DGKK: variants seen among roughly 807,000 people sequenced by gnomAD.
The protein encoded by DGKK is 142 kDa diacylglycerol kinase.
A neutral mutation model predicts 92.2 loss-of-function variants in DGKK; 35 were observed. The observed-to-expected ratio is 0.38, with a 90% CI of 0.29 to 0.50. DGKK has a LOEUF of 0.50. Among genes scored for constraint, DGKK ranks in the 20% least tolerant of loss-of-function variants. The pLI is 0.92. For missense variants in DGKK, 910 were observed against 992.2 expected, an observed-to-expected ratio of 0.92 and a Z score of 1.11; for synonymous variants, 368 against 360.6, an observed-to-expected ratio of 1.02 and a Z score of -0.23.
chrX:50,368,821 G>C lies in DGKK; in HGVS notation c.*119C>G. 1 of 549,628 alleles carries C rather than the reference G, an allele frequency of 1.8e-6. No individual in the cohort carries two copies. 45.3% of individuals were successfully genotyped at this position (549,628 alleles called of 1,213,427 possible). On this transcript the variant is annotated 3_prime_UTR_variant, in exon 28 of 28. Transcript: ENST00000611977. ...AAATGCATTAGTGAAAAGAATTGGAGGGTCTTTCTTGGTGGTGCTCATGTT... is the reference window on the plus strand; with the variant it reads ...AAATGCATTAGTGAAAAGAATTGGACGGTCTTTCTTGGTGGTGCTCATGTT...
chrX:50,395,271 C>T (rs1348019987), intron 8 of DGKK, among the ~76,000 whole-genome samples: 1 of 111,828 alleles, frequency 8.9e-6, no homozygotes, highest in Non-Finnish European at 1.9e-5. Context: ...CTTACCTCTC[C>T]CTTGTTTTAG....
Position 50,392,395 on chromosome X carries a change from A to G in DGKK, c.1650T>C (p.Asp550=). The change falls in exon 10 of 28, where the codon GAT becomes GAC. Residue 550 remains aspartate (D), a synonymous_variant. Coordinates refer to ENST00000611977, the MANE Select transcript of DGKK (RefSeq NM_001013742.4). ...ARFRILVCGG[D]GSVSWVLSLI... The stretch of plus-strand genomic sequence containing the variant: ...GAGATAAGACCCAGCTCACGCTGCC[A>G]TCTCCACCACAAACCAGAATGCGAA... The G allele has an allele frequency of 8.3e-7, 1 of 1,211,891 alleles. No homozygotes were observed. The highest frequency in any genetic ancestry group is 3.0e-5 in the East Asian group (1 of 33,853).
At chrX:50,409,167 C>T (rs1557227628) in intron 4 of DGKK, among the ~76,000 whole-genome samples, 2 of 111,070 alleles carry the variant, frequency 1.8e-5, no homozygotes, top group African/African-American at 6.6e-5. Flanking sequence ...AACATAGGTA[C>T]ATACAGAGAG....
At chrX:50,429,199 T>C (rs1368632704) in intron 1 of DGKK, among the ~76,000 whole-genome samples, 2 of 111,482 alleles carry the variant, frequency 1.8e-5, no homozygotes, top group Non-Finnish European at 3.8e-5. Flanking sequence ...ACAGTAAATC[T>C]GAGGCTTGGT....
At chrX:50,418,214 T>A (rs1925485204) in intron 4 of DGKK, among the ~76,000 whole-genome samples, 1 of 112,098 alleles carries the variant, frequency 8.9e-6, no homozygotes, top group Admixed American at 9.5e-5. Flanking sequence ...CATCTGGCAA[T>A]CAATCATGCA....
At chrX:50,408,629 C>T (rs782429916) in intron 4 of DGKK, among the ~76,000 whole-genome samples, 14 of 110,699 alleles carry the variant, frequency 1.3e-4, no homozygotes, top group African/African-American at 4.0e-4. Flanking sequence ...GTGATCCGCC[C>T]GCCTCGGCCT....
intron 7 of DGKK, among the ~76,000 whole-genome samples, chrX:50,402,409 C>A (rs1400995198): frequency 2.7e-5 from 3 of 111,366 alleles, no homozygotes; most frequent in African/African-American, 6.5e-5. Flanking sequence ...CATAGTGAGA[C>A]CCTGTCTCAA....
intron 27 of DGKK, 42 bp downstream of exon 27, chrX:50,370,384 G>A: frequency 8.6e-7 from 1 of 1,165,002 alleles, no homozygotes; most frequent in Non-Finnish European, 1.1e-6. Flanking sequence ...CAGGCTGTTG[G>A]GGGAAGTCTT....
Position 50,370,295 on chromosome X carries a change from C to G in DGKK, c.3736+131G>C, listed in dbSNP as rs1924086044. The stretch of plus-strand genomic sequence containing the variant: ...ATGGCTTGGTATCACTTACTGCTGA[C>G]TCCCAGATGGCCTCCCGCTTCATCA... On this transcript the variant is annotated intron_variant, in intron 27 of 27. Transcript: ENST00000611977. 3.6e-6 allele frequency: 3 copies of G among 832,583 alleles called. No individual in the cohort carries two copies. In the South Asian group the frequency reaches 8.7e-5, roughly 24 times the overall value. 68.6% of individuals were successfully genotyped at this position (832,583 alleles called of 1,213,427 possible). A position where few individuals can be genotyped will look rare whatever the true frequency, so the allele number is the denominator to read the frequency against.
At chrX:50,459,613 C>CA (rs1404465668) in intron 1 of DGKK, among the ~76,000 whole-genome samples, 2 of 109,885 alleles carry the variant, frequency 1.8e-5, no homozygotes, top group African/African-American at 6.6e-5. Flanking sequence ...AAAAAACAAA[C>CA]AAAAAAAATG....
chrX:50,436,984 T>A (rs1926044646), intron 1 of DGKK, among the ~76,000 whole-genome samples: 1 of 111,923 alleles, frequency 8.9e-6, no homozygotes, highest in African/African-American at 3.2e-5. Flanking sequence ...CATAATCAAG[T>A]GTGCCAGTGG....
chrX:50,385,537 A>G (rs1156490383), intron 15 of DGKK, among the ~76,000 whole-genome samples: 1 of 111,953 alleles, frequency 8.9e-6, no homozygotes, highest in Non-Finnish European at 1.9e-5. Context: ...TTATAGAAAT[A>G]GAGGCAAATT....
In DGKK at chrX:50,403,536, A is replaced by G; in HGVS notation, c.1140T>C (p.Asn380=). 8.3e-7 allele frequency: 1 copy of G among 1,211,301 alleles called. No homozygotes were observed. The highest frequency in any genetic ancestry group is 1.1e-6 in the Non-Finnish European group (1 of 895,212). The change falls in exon 6 of 28, where the codon AAT becomes AAC. Residue 380 remains asparagine (N), a synonymous_variant. Transcript: ENST00000611977. Reference sequence around the variant, plus strand: ...GGAGGTCATCAGTGATAGACAATGTATTCCACTTGCAGTCTTTGCTTGCTC... The same window carrying G: ...GGAGGTCATCAGTGATAGACAATGTGTTCCACTTGCAGTCTTTGCTTGCTC... The part of the protein sequence containing the change: ...ALRASKDCKW[N]TLSITDDLLL...
chrX:50,394,463 C>T (rs1924788177), intron 8 of DGKK, among the ~76,000 whole-genome samples: 1 of 112,014 alleles, frequency 8.9e-6, no homozygotes, highest in Non-Finnish European at 1.9e-5. Flanking sequence ...GGACTCACAG[C>T]TACAAGGGGA....
intron 15 of DGKK, 134 bp downstream of exon 15, chrX:50,386,215 GACTTTGTAT>G: frequency 2.1e-6 from 1 of 483,158 alleles, no homozygotes; most frequent in East Asian, 3.7e-5. Flanking sequence ...TCTGAATACT[GACTTTGTAT>G]ACAATATGAA....
At chrX:50,464,008 C>T (rs899881211) in intron 1 of DGKK, among the ~76,000 whole-genome samples, 119 of 109,013 alleles carry the variant, frequency 1.1e-3, no homozygotes, top group Non-Finnish European at 1.7e-3. Context: ...AAAATATGTA[C>T]ATCTATTATG....
chrX:50,457,409 C>T (rs782676647), intron 1 of DGKK, among the ~76,000 whole-genome samples: 2 of 111,466 alleles, frequency 1.8e-5, no homozygotes, highest in Non-Finnish European at 3.8e-5. Context: ...ACAAAAGTAC[C>T]GCTAATTAAT....
At chrX:50,468,238 A>G (rs901883867) in intron 1 of DGKK, among the ~76,000 whole-genome samples, 103 of 112,310 alleles carry the variant, frequency 9.2e-4, no homozygotes, top group Non-Finnish European at 1.8e-3. Flanking sequence ...GTCGCCAGTC[A>G]GCCTTTCAGA....
At position 50,393,139 on chromosome X, in the gene DGKK, G is replaced by C. The variant is rs781845487; in HGVS notation, c.1595+13C>G. ...CTTACATACCCAATCATATCCATGG[G>C]ATACAGGCTTACCCTGCTTCAGGTC... On this transcript the variant is annotated intron_variant, in intron 9 of 27. Transcript: ENST00000611977. 1.7e-6 allele frequency: 2 copies of C among 1,193,172 alleles called. No homozygotes were observed. The highest frequency in any genetic ancestry group is 3.6e-5 in the South Asian group (2 of 55,071).
Sources: gnomAD v4.1 joint callset for allele counts (sites outside exome capture counted in the v4.1 genomes callset) on GRCh38, gnomAD v4.1.1 for gene constraint, MANE v1.5 for transcripts, NCBI Gene and HGNC (gene_info 2026-07-23, HGNC 2026-07-21) for gene names.